Variants in CFDP1 observed in about 807,000 individuals in gnomAD.
The protein encoded by CFDP1 is heterochromatin-stabilizing protein CFDP1.
Under a neutral mutation model 40.1 loss-of-function variants are expected in CFDP1, and 31 were observed. The ratio of observed to expected loss-of-function variants is 0.77; its 90% CI spans 0.58 to 1.04. The LOEUF is 1.04. CFDP1 is among the 50% of genes least tolerant of loss of function. The pLI is 0.00. For missense variants in CFDP1, 423 were observed against 343.4 expected (o/e 1.23, Z -1.83); for synonymous variants, 167 against 120.0 (o/e 1.39, Z -2.56).
intron 5 of CFDP1, among the ~76,000 whole-genome samples, chr16:75,320,298 G>A (rs2078353450): frequency 6.6e-6 from 1 of 152,118 alleles, no homozygotes. Context: ...GACTCACACT[G>A]GGTCATAATG....
rs756350637 is a variant in CFDP1, at chr16:75,294,068, A to T, written c.810-26T>A. 8 of 1,559,956 alleles carry T rather than the reference A, an allele frequency of 5.1e-6. No individual in the cohort carries two copies. In the East Asian group the frequency reaches 1.8e-4, roughly 35 times the overall value. Reference sequence around the variant, plus strand: ...CTAGAAGATGAAAACAGTGTTTGTCAGTAGAATCCAGTAGGAAAAACTCCT... The same window carrying T: ...CTAGAAGATGAAAACAGTGTTTGTCTGTAGAATCCAGTAGGAAAAACTCCT... On this transcript the variant is annotated intron_variant, in intron 6 of 6. Coordinates refer to ENST00000283882, the MANE Select transcript of CFDP1 (RefSeq NM_006324.3).
intron 5 of CFDP1, among the ~76,000 whole-genome samples, chr16:75,329,697 T>C (rs987361855): frequency 7.9e-5 from 12 of 152,242 alleles, no homozygotes; most frequent in Admixed American, 3.3e-4. Flanking sequence ...TAATAAAGAC[T>C]GTCTACATGT....
chr16:75,401,067 G>A (rs2079047873), intron 4 of CFDP1, among the ~76,000 whole-genome samples: 1 of 152,104 alleles, frequency 6.6e-6, no homozygotes, highest in African/African-American at 2.4e-5. Context: ...AGGCCGAGGT[G>A]GGCAGATAGT....
At chr16:75,298,458 A>G (rs966052398) in intron 6 of CFDP1, among the ~76,000 whole-genome samples, 2 of 152,072 alleles carry the variant, frequency 1.3e-5, no homozygotes, top group East Asian at 1.9e-4. Flanking sequence ...CACTGAGGAC[A>G]CTCCAAAGCT....
At chr16:75,429,133 G>C (rs956582645) in intron 1 of CFDP1, among the ~76,000 whole-genome samples, 1 of 151,886 alleles carries the variant, frequency 6.6e-6, no homozygotes, top group Non-Finnish European at 1.5e-5. Context: ...AAAGAAAAAA[G>C]AAAATGGGAA....
At chr16:75,352,355 A>G (rs2151526965) in intron 5 of CFDP1, among the ~76,000 whole-genome samples, 1 of 152,190 alleles carries the variant, frequency 6.6e-6, no homozygotes, top group East Asian at 1.9e-4. Flanking sequence ...AAACAAAACA[A>G]AACAAATTAA....
At chr16:75,309,324 C>T (rs113789753) in intron 5 of CFDP1, among the ~76,000 whole-genome samples, 2 of 152,228 alleles carry the variant, frequency 1.3e-5, no homozygotes, top group South Asian at 2.1e-4. Context: ...GAAGCCGAGG[C>T]GGGAGAGAAT....
intron 5 of CFDP1, chr16:75,379,775 C>T (rs4888393): frequency 0.84 from 128,415 of 152,152 alleles, 54,338 homozygotes; most frequent in Middle Eastern, 0.91. Context: ...AATCTCTGCA[C>T]TAGTTTATAT....
Position 75,302,051 on chromosome 16 carries a change from G to A in CFDP1, c.809+2973C>T, listed in dbSNP as rs1392611209. On this transcript the variant is annotated intron_variant, in intron 6 of 6. Transcript: ENST00000283882. The stretch of plus-strand genomic sequence containing the variant: ...ATCTGTGGAATCTGGCTGGGCGAAT[G>A]AGGGGAGAAGCCTCAAGCAAAGGAG... The A allele has an allele frequency of 2.6e-5, 4 of 152,360 alleles. No individual in the cohort carries two copies. In the East Asian group the frequency reaches 7.7e-4, roughly 29 times the overall value. 9.4% of individuals were successfully genotyped at this position (152,360 alleles called of 1,614,324 possible).
intron 1 of CFDP1, among the ~76,000 whole-genome samples, chr16:75,417,511 G>T (rs2043386201): frequency 6.6e-6 from 1 of 152,026 alleles, no homozygotes; most frequent in Non-Finnish European, 1.5e-5. Context: ...TCTGGATGAG[G>T]AAAAAGGAAG....
At chr16:75,339,835 G>A (rs941443481) in intron 5 of CFDP1, among the ~76,000 whole-genome samples, 2 of 152,264 alleles carry the variant, frequency 1.3e-5, no homozygotes, top group East Asian at 1.9e-4. Context: ...GGTAGAAGCT[G>A]TTCTAGATAT....
At chr16:75,366,321 T>C (rs760030428) in intron 5 of CFDP1, among the ~76,000 whole-genome samples, 2 of 152,204 alleles carry the variant, frequency 1.3e-5, no homozygotes, top group African/African-American at 2.4e-5. Context: ...TCCTCATTCA[T>C]TCATTTTTGG....
At chr16:75,315,082 T>G (rs2151506301) in intron 5 of CFDP1, among the ~76,000 whole-genome samples, 1 of 152,222 alleles carries the variant, frequency 6.6e-6, no homozygotes, top group East Asian at 1.9e-4. Context: ...AAAATGTGTT[T>G]CCTGGATTCA....
At chr16:75,420,087 A>G (rs894609522) in intron 1 of CFDP1, among the ~76,000 whole-genome samples, 13 of 147,450 alleles carry the variant, frequency 8.8e-5, no homozygotes, top group Non-Finnish European at 1.9e-4. Flanking sequence ...GTCCAGACTG[A>G]ACAACACAGT....
At chr16:75,392,795 T>TATTA (rs1300893296) in intron 5 of CFDP1, among the ~76,000 whole-genome samples, 4 of 152,240 alleles carry the variant, frequency 2.6e-5, no homozygotes, top group Non-Finnish European at 5.9e-5. Flanking sequence ...GCTTACAAAG[T>TATTA]ACTTGCTTAG....
intron 1 of CFDP1, among the ~76,000 whole-genome samples, chr16:75,429,761 T>A (rs761793825): frequency 6.6e-6 from 1 of 152,220 alleles, no homozygotes; most frequent in Non-Finnish European, 1.5e-5. Flanking sequence ...ATCTAATGAA[T>A]GTAAATATTT....
intron 5 of CFDP1, among the ~76,000 whole-genome samples, chr16:75,354,745 C>G (rs1356851039): frequency 6.6e-6 from 1 of 152,202 alleles, no homozygotes; most frequent in African/African-American, 2.4e-5. Context: ...GTATCCGCAA[C>G]TGGATCCTGG....
At chr16:75,408,577 G>A (rs1442078069) in intron 4 of CFDP1, among the ~76,000 whole-genome samples, 2 of 151,976 alleles carry the variant, frequency 1.3e-5, no homozygotes, top group South Asian at 4.2e-4. Context: ...AAGATTTCAA[G>A]ACCAGCCTGG....
At chr16:75,391,815 A>G (rs1467991660) in intron 5 of CFDP1, among the ~76,000 whole-genome samples, 1 of 151,830 alleles carries the variant, frequency 6.6e-6, no homozygotes, top group Non-Finnish European at 1.5e-5. Context: ...CTAAAAATAC[A>G]AAAATCAGCC....
Sources: allele counts gnomAD v4.1 joint callset (sites outside exome capture counted in the v4.1 genomes callset), GRCh38; gene constraint gnomAD v4.1.1; transcripts MANE v1.5; gene names NCBI Gene and HGNC (gene_info 2026-07-23, HGNC 2026-07-21).